OR10Z1: variants seen among roughly 807,000 people sequenced by gnomAD.
The protein encoded by OR10Z1 is olfactory receptor family 10 subfamily Z member 1.
For synonymous variants in OR10Z1, 187 were observed against 151.2 expected, an observed-to-expected ratio of 1.24 and a Z score of -1.74; for missense variants, 468 against 371.0, an observed-to-expected ratio of 1.26 and a Z score of -2.15.
At position 158,606,549 on chromosome 1, in the gene OR10Z1, CA is replaced by C. The variant is rs1284010299; in HGVS notation, c.112del (p.Thr38LeufsTer2). The C allele has an allele frequency of 4.3e-6, 7 of 1,613,738 alleles. No homozygotes were observed. Among genetic ancestry groups the C allele is most frequent in the Non-Finnish European group, 5.9e-6 (7 of 1,179,712 alleles). ...FALFLSLYLVTLTSNVFIIIA... is the reference protein window; with the variant it reads ...FALFLSLYLVXLTSNVFIIIA... ...CCTTGTTCCTCTCTCTGTATCTAGT[CA>C]CTCTGACCAGCAATGTCTTCATTAT... On this transcript the variant is annotated frameshift_variant, in exon 2 of 2. Transcript: ENST00000641002. LOFTEE classifies it low-confidence loss of function (END_TRUNC).
chr1:158,609,841 G>A lies in OR10Z1; in HGVS notation c.*2461G>A, dbSNP rs1031278460. The stretch of plus-strand genomic sequence containing the variant: ...TTTAGGCCTTGAAAATTTTTGGCAG[G>A]GTTAGCATTGGGGGAATGGAATCAC... On this transcript the variant is annotated 3_prime_UTR_variant, in exon 2 of 2. Transcript: ENST00000641002. The A allele has an allele frequency of 1.3e-5, 2 of 152,026 alleles. No individual in the cohort carries two copies. Among genetic ancestry groups the A allele is most frequent in the Admixed American group, 1.3e-4 (2 of 15,250 alleles). 9.4% of individuals were successfully genotyped at this position (152,026 alleles called of 1,614,324 possible).
chr1:158,606,150 G>A (rs1649041415), intron 1 of OR10Z1, among the ~76,000 whole-genome samples, 176 bp from the exon 2 acceptor site: 1 of 152,162 alleles, frequency 6.6e-6, no homozygotes, highest in South Asian at 2.1e-4. Context: ...CTGCATGTAT[G>A]TAGTCATACA....
In OR10Z1 at chr1:158,611,535, T is replaced by A; in HGVS notation, c.*4155T>A. 5 of 816,932 alleles carry A rather than the reference T, an allele frequency of 6.1e-6. No homozygotes were observed. The highest frequency in any genetic ancestry group is 9.4e-6 in the Non-Finnish European group (5 of 533,574). The allele number at this position is 816,932 out of a possible 1,614,324, so 50.6% of individuals were successfully genotyped here. A position where few individuals can be genotyped will look rare whatever the true frequency, so the allele number is the denominator to read the frequency against. ...ATTTCTATTACACACAATTTTTATC[T>A]CATAAATTTATAATTTCTAATGAGT... On this transcript the variant is annotated 3_prime_UTR_variant, in exon 2 of 2. Coordinates refer to ENST00000641002, the MANE Select transcript of OR10Z1 (RefSeq NM_001004478.2).
At position 158,611,370 on chromosome 1, in the gene OR10Z1, A is replaced by G. The variant is rs1276901548; in HGVS notation, c.*3990A>G. The G allele has an allele frequency of 1.9e-6, 3 of 1,613,570 alleles. No individual in the cohort carries two copies. Among genetic ancestry groups the G allele is most frequent in the Non-Finnish European group, 2.5e-6 (3 of 1,179,706 alleles). ...CTGCATATGTGTGGCACAGAATGAC[A>G]CTTGCTCTGGGGTAAGGGCCTGAAA... On this transcript the variant is annotated 3_prime_UTR_variant, in exon 2 of 2. Coordinates refer to ENST00000641002, the MANE Select transcript of OR10Z1 (RefSeq NM_001004478.2).
rs1326385919 is a variant in OR10Z1, at chr1:158,605,374, C to T, written c.-141C>T. 6.5e-6 allele frequency: 1 copy of T among 152,740 alleles called. No individual in the cohort carries two copies. Among genetic ancestry groups the T allele is most frequent in the East Asian group, 1.9e-4 (1 of 5,196 alleles). The allele number at this position is 152,740 out of a possible 1,614,324, so 9.5% of individuals were successfully genotyped here. ...AAAAGGCAGGACTTGCTTTGTGAGC[C>T]TCTTCAGGTCAGCGTGAGTCTGTTC... On this transcript the variant is annotated 5_prime_UTR_variant, in exon 1 of 2. Transcript: ENST00000641002.
At position 158,611,372 on chromosome 1, in the gene OR10Z1, T is replaced by G. The variant is rs1649251469; in HGVS notation, c.*3992T>G. On this transcript the variant is annotated 3_prime_UTR_variant, in exon 2 of 2. Coordinates refer to ENST00000641002, the MANE Select transcript of OR10Z1 (RefSeq NM_001004478.2). ...GCATATGTGTGGCACAGAATGACAC[T>G]TGCTCTGGGGTAAGGGCCTGAAAAG... 6.2e-6 allele frequency: 10 copies of G among 1,613,686 alleles called. No homozygotes were observed. The highest frequency in any genetic ancestry group is 8.5e-6 in the Non-Finnish European group (10 of 1,179,690).
rs989432389 is a variant in OR10Z1 at position 158,606,456 on chromosome 1, A to C, written c.18A>C (p.Val6=). 6.2e-7 allele frequency: 1 copy of C among 1,613,040 alleles called. No homozygotes were observed. The highest frequency in any genetic ancestry group is 1.3e-5 in the African/African-American group (1 of 74,994). ...CTCTCAGAATGGGGCAGACCAACGT[A>C]ACCTCCTGGAGGGATTTTGTCTTCC... The part of the protein sequence containing the change: MGQTN[V]TSWRDFVFLG... Residue 6 remains valine, a synonymous_variant, in exon 2 of 2, where the codon GTA becomes GTC. Coordinates refer to ENST00000641002, the MANE Select transcript of OR10Z1 (RefSeq NM_001004478.2).
chr1:158,605,721 T>C (rs1022178223), intron 1 of OR10Z1, among the ~76,000 whole-genome samples: 2 of 152,122 alleles, frequency 1.3e-5, no homozygotes, highest in Non-Finnish European at 2.9e-5. Flanking sequence ...ATGGGGAAAA[T>C]AAGGATAGAT....
At position 158,607,317 on chromosome 1, in the gene OR10Z1, G is replaced by A. The variant is rs781215502; in HGVS notation, c.879G>A (p.Arg293=). The change falls in exon 2 of 2, where the codon AGG becomes AGA. Residue 293 remains arginine, a synonymous_variant. Transcript: ENST00000641002. ...PLLNPIVYSL[R]NRAIQTALRN... ...TTAATCCCATTGTTTATAGTCTAAG[G>A]AATAGGGCTATACAGACAGCTCTGA... is the stretch of plus-strand genomic sequence containing the variant. The A allele has an allele frequency of 2.5e-6, 4 of 1,613,908 alleles. No homozygotes were observed. In the East Asian group the frequency reaches 6.7e-5, roughly 27 times the overall value.
Position 158,608,197 on chromosome 1 carries a change from T to C in OR10Z1, c.*817T>C, listed in dbSNP as rs1330702880. 6.6e-6 allele frequency: 1 copy of C among 152,156 alleles called. No homozygotes were observed. Among genetic ancestry groups the C allele is most frequent in the African/African-American group, 2.4e-5 (1 of 41,428 alleles). 9.4% of individuals were successfully genotyped at this position (152,156 alleles called of 1,614,324 possible). On this transcript the variant is annotated 3_prime_UTR_variant, in exon 2 of 2. Coordinates refer to ENST00000641002, the MANE Select transcript of OR10Z1 (RefSeq NM_001004478.2). The stretch of plus-strand genomic sequence containing the variant: ...TCCCTGGTAGCTTCAGAATCTTGAG[T>C]GTCAAAGACCTTTCTCATTTGGGTC...
chr1:158,611,679 C>T lies in OR10Z1; in HGVS notation c.*4299C>T, dbSNP rs1043659585. 17 of 312,034 alleles carry T rather than the reference C, an allele frequency of 5.4e-5. No homozygotes were observed. The highest frequency in any genetic ancestry group is 2.9e-4 in the African/African-American group (13 of 45,548). 19.3% of individuals were successfully genotyped at this position (312,034 alleles called of 1,614,324 possible). ...ATAGAAGGAATTATATGCCTAACAA[C>T]ATTTGTTGACCACTTGATCTATTTC... On this transcript the variant is annotated 3_prime_UTR_variant, in exon 2 of 2. Coordinates refer to ENST00000641002, the MANE Select transcript of OR10Z1 (RefSeq NM_001004478.2).
At chr1:158,605,908 T>C (rs1393849960) in intron 1 of OR10Z1, among the ~76,000 whole-genome samples, 1 of 152,190 alleles carries the variant, frequency 6.6e-6, no homozygotes, top group Non-Finnish European at 1.5e-5. Flanking sequence ...TGTATTCTTA[T>C]GTGATAGTGT....
In OR10Z1 at chr1:158,610,513, T is replaced by G. The variant is rs894872819; in HGVS notation, c.*3133T>G. On this transcript the variant is annotated 3_prime_UTR_variant, in exon 2 of 2. Transcript: ENST00000641002. ...TTTAACAGGATATTGAAGTATTATTTTTATTACATTAAAACTTAAGAGAAA... is the reference window on the plus strand; with the variant it reads ...TTTAACAGGATATTGAAGTATTATTGTTATTACATTAAAACTTAAGAGAAA... 6 of 152,162 alleles carry G rather than the reference T, an allele frequency of 3.9e-5. No homozygotes were observed. The highest frequency in any genetic ancestry group is 1.4e-4 in the African/African-American group (6 of 41,456). 9.4% of individuals were successfully genotyped at this position (152,162 alleles called of 1,614,324 possible). A position where few individuals can be genotyped will look rare whatever the true frequency, so the allele number is the denominator to read the frequency against.
chr1:158,611,224 A>G lies in OR10Z1; in HGVS notation c.*3844A>G. On this transcript the variant is annotated 3_prime_UTR_variant, in exon 2 of 2. Transcript: ENST00000641002. ...CTCTTTGCCCCCCAGTAAATTTCCC[A>G]CGACACTAAGATTTTCTACGATCCA... is the stretch of plus-strand genomic sequence containing the variant. The G allele has an allele frequency of 6.2e-7, 1 of 1,611,002 alleles. No individual in the cohort carries two copies. Among genetic ancestry groups the G allele is most frequent in the Non-Finnish European group, 8.5e-7 (1 of 1,178,294 alleles).
In OR10Z1 at chr1:158,609,679, A is replaced by G. The variant is rs919000961; in HGVS notation, c.*2299A>G. On this transcript the variant is annotated 3_prime_UTR_variant, in exon 2 of 2. Transcript: ENST00000641002. ...TTGAAACAATTGATTTGGGATAGGGACAACATAATAGTCTTCAAAATCTCG... is the reference window on the plus strand; with the variant it reads ...TTGAAACAATTGATTTGGGATAGGGGCAACATAATAGTCTTCAAAATCTCG... 6.6e-6 allele frequency: 1 copy of G among 152,164 alleles called. No individual in the cohort carries two copies. The highest frequency in any genetic ancestry group is 6.5e-5 in the Admixed American group (1 of 15,268). The allele number at this position is 152,164 out of a possible 1,614,324, so 9.4% of individuals were successfully genotyped here.
At position 158,606,729 on chromosome 1, in the gene OR10Z1, T is replaced by C; in HGVS notation, c.291T>C (p.Cys97=). The C allele has an allele frequency of 6.2e-7, 1 of 1,614,118 alleles. No individual in the cohort carries two copies. The highest frequency in any genetic ancestry group is 1.7e-4 in the Middle Eastern group (1 of 6,058). ...ACCAGGCTATCTCCTATGTGGGCTG[T>C]GCTGCCCAGATGTTCTTTTCTGCCT... ...GGDQAISYVG[C]AAQMFFSASW... is the part of the protein sequence containing the mutation. The change falls in exon 2 of 2, where the codon TGT becomes TGC. Residue 97 remains cysteine, a synonymous_variant. Transcript: ENST00000641002.
In OR10Z1 at chr1:158,607,596, A is replaced by C; in HGVS notation, c.*216A>C. ...ACTGTGCACAACTCAAAATGAGCCC[A>C]AAATCTGAATTTTAACTTTCAGCCT... On this transcript the variant is annotated 3_prime_UTR_variant, in exon 2 of 2. Coordinates refer to ENST00000641002, the MANE Select transcript of OR10Z1 (RefSeq NM_001004478.2). The C allele has an allele frequency of 2.4e-6, 1 of 418,480 alleles. No homozygotes were observed. The highest frequency in any genetic ancestry group is 3.4e-5 in the East Asian group (1 of 29,254). 25.9% of individuals were successfully genotyped at this position (418,480 alleles called of 1,614,324 possible).
At position 158,607,630 on chromosome 1, in the gene OR10Z1, C is replaced by A; in HGVS notation, c.*250C>A. The stretch of plus-strand genomic sequence containing the variant: ...ATTTTAACTTTCAGCCTCCTAGATG[C>A]CACCCCTAGTTACTGAAACCCATTG... On this transcript the variant is annotated 3_prime_UTR_variant, in exon 2 of 2. Transcript: ENST00000641002. The A allele has an allele frequency of 2.5e-6, 1 of 392,310 alleles. No individual in the cohort carries two copies. The highest frequency in any genetic ancestry group is 4.5e-6 in the Non-Finnish European group (1 of 220,386). 24.3% of individuals were successfully genotyped at this position (392,310 alleles called of 1,614,324 possible).
intron 1 of OR10Z1, among the ~76,000 whole-genome samples, chr1:158,606,103 C>T (rs2101735608): frequency 6.6e-6 from 1 of 152,128 alleles, no homozygotes; most frequent in Non-Finnish European, 1.5e-5. Context: ...GTAAGATATG[C>T]ATAATTATGT....
Sources: gnomAD v4.1 joint callset for allele counts (sites outside exome capture counted in the v4.1 genomes callset) on GRCh38, gnomAD v4.1.1 for gene constraint, MANE v1.5 for transcripts, NCBI Gene and HGNC (gene_info 2026-07-23, HGNC 2026-07-21) for gene names.